The following ZNF148 variants were observed in gnomAD, a reference collection of about 807,000 sequenced individuals.
ZNF148 encodes the protein zinc finger protein 148.
In ZNF148, 7 loss-of-function variants were observed where a neutral mutation model predicts 67.7. That is an observed-to-expected ratio of 0.10 (90% CI 0.06 to 0.19). ZNF148 has a LOEUF of 0.19. Among genes scored for constraint, ZNF148 ranks in the 10% least tolerant of loss-of-function variants. The pLI, the probability that ZNF148 is intolerant of heterozygous loss-of-function variation, is 1.00. For synonymous variants in ZNF148, 333 were observed against 330.7 expected (o/e 1.01, Z -0.08); for missense variants, 583 against 947.1 (o/e 0.62, Z 5.05).
chr3:125,259,795 C>T (rs920189014), intron 7 of ZNF148, among the ~76,000 whole-genome samples: 2 of 152,148 alleles, frequency 1.3e-5, no homozygotes, highest in African/African-American at 4.8e-5. Context: ...AGAACTTTTT[C>T]CTTTGCATTC....
chr3:125,234,335 A>C lies in ZNF148; in HGVS notation c.668-6T>G. 6.4e-7 allele frequency: 1 copy of C among 1,562,184 alleles called. No homozygotes were observed. The highest frequency in any genetic ancestry group is 8.8e-7 in the Non-Finnish European group (1 of 1,139,342). On this transcript the variant is annotated splice_polypyrimidine_tract_variant and splice_region_variant and intron_variant, in intron 7 of 8. Coordinates refer to ENST00000360647, the MANE Select transcript of ZNF148 (RefSeq NM_021964.3). Reference sequence around the variant, plus strand: ...ACAGCGAAATGGTTTTTCACCTAGCACATAATATAGAAAGTTTAAAACAAA... The same window carrying C: ...ACAGCGAAATGGTTTTTCACCTAGCCCATAATATAGAAAGTTTAAAACAAA...
intron 1 of ZNF148, among the ~76,000 whole-genome samples, chr3:125,370,958 CTCA>C (rs1193978389): frequency 6.6e-6 from 1 of 152,166 alleles, no homozygotes; most frequent in African/African-American, 2.4e-5. Context: ...AACCCTGTTC[CTCA>C]TCCTCATCCT....
At chr3:125,361,832 C>CAA (rs11383689) in intron 1 of ZNF148, among the ~76,000 whole-genome samples, 2,106 of 146,928 alleles carry the variant, frequency 0.014, 41 homozygotes, top group African/African-American at 0.043. Context: ...GACCCTGTCT[C>CAA]AAAAAAAAAA....
chr3:125,327,206 C>G lies in ZNF148; in HGVS notation c.-152-3762G>C, dbSNP rs79751214. ...TCAAAACATCAGGAAGATATAATAA[C>G]CGTGTATGCACCTAAAAAGAGTCCC... On this transcript the variant is annotated intron_variant, in intron 2 of 8. Coordinates refer to ENST00000360647, the MANE Select transcript of ZNF148 (RefSeq NM_021964.3). Among the ~76,000 whole-genome samples the G allele has an allele frequency of 1.5e-3, 235 of 152,214 alleles. 1 individual carries two copies. Among genetic ancestry groups the G allele is most frequent in the African/African-American group, 4.8e-3 (201 of 41,544 alleles).
intron 3 of ZNF148, among the ~76,000 whole-genome samples, chr3:125,314,470 G>A (rs1293728446): frequency 6.6e-6 from 1 of 152,102 alleles, no homozygotes; most frequent in Non-Finnish European, 1.5e-5. Context: ...CCTAAGTAAT[G>A]ACCAACTTTG....
rs1938237186 is a variant in ZNF148 at position 125,279,221 on chromosome 3, T to C, written c.486A>G (p.Ser162=). The change falls in exon 6 of 9, where the codon TCA becomes TCG. Residue 162 remains serine, a synonymous_variant. Coordinates refer to ENST00000360647, the MANE Select transcript of ZNF148 (RefSeq NM_021964.3). ...GAGATTTAGGGGTTTTCAAACCAAG[T>C]GATCCATCCTCATTTATTGTAAGGA... The part of the protein sequence containing the change: ...AKILTINEDG[S]LGLKTPKSHV... 1 of 1,594,314 alleles carries C rather than the reference T, an allele frequency of 6.3e-7. No individual in the cohort carries two copies. The highest frequency in any genetic ancestry group is 1.4e-5 in the African/African-American group (1 of 73,496).
intron 4 of ZNF148, among the ~76,000 whole-genome samples, chr3:125,294,194 T>C (rs1023844658): frequency 1.3e-5 from 2 of 151,998 alleles, no homozygotes; most frequent in African/African-American, 2.4e-5. Flanking sequence ...CATCAAAGTA[T>C]AAAGGTCATA....
In ZNF148 at chr3:125,313,455, T is replaced by C. The variant is rs1366993221; in HGVS notation, c.186A>G (p.Glu62=). The part of the protein sequence containing the change: ...MPHQEILAAD[E]VLQESEMRQQ... ...GTCTCATTTCACTTTCTTGTAACAC[T>C]TCATCTGCAGCAAGGATCTCCTGGT... is the stretch of plus-strand genomic sequence containing the variant. The change falls in exon 4 of 9, where the codon GAA becomes GAG. Residue 62 remains glutamate (E), a synonymous_variant. Transcript: ENST00000360647. The C allele has an allele frequency of 1.2e-6, 2 of 1,614,158 alleles. No homozygotes were observed. The highest frequency in any genetic ancestry group is 8.5e-7 in the Non-Finnish European group (1 of 1,180,034).
At chr3:125,342,750 GGTTA>G (rs1359076404) in intron 1 of ZNF148, among the ~76,000 whole-genome samples, 2 of 152,010 alleles carry the variant, frequency 1.3e-5, no homozygotes, top group Admixed American at 6.6e-5. Context: ...ACTTTTTCTT[GGTTA>G]GTTTTATAAA....
intron 7 of ZNF148, among the ~76,000 whole-genome samples, chr3:125,266,387 T>G (rs555207299): frequency 6.6e-6 from 1 of 152,052 alleles, no homozygotes; most frequent in Non-Finnish European, 1.5e-5. Flanking sequence ...TCAGACCACA[T>G]TGGAATAAAA....
At chr3:125,373,368 G>A (rs1019529026) in intron 1 of ZNF148, among the ~76,000 whole-genome samples, 2 of 151,868 alleles carry the variant, frequency 1.3e-5, no homozygotes, top group East Asian at 3.9e-4. Context: ...TGGGATTACA[G>A]GTGTGAGCCA....
rs369959364 is a variant in ZNF148, at chr3:125,349,956, A to C, written c.-233-18718T>G. 9.2e-5 allele frequency among the ~76,000 whole-genome samples: 14 copies of C among 152,352 alleles called. No individual in the cohort carries two copies. In the East Asian group the frequency reaches 2.1e-3, roughly 23 times the overall value. On this transcript the variant is annotated intron_variant, in intron 1 of 8. Transcript: ENST00000360647. The stretch of plus-strand genomic sequence containing the variant: ...AAAAGATACATGAACTTGTATGAAC[A>C]ACCATTATCCAAAAATAACAATAAC...
chr3:125,345,192 G>T (rs1346103712), intron 1 of ZNF148, among the ~76,000 whole-genome samples: 1 of 152,076 alleles, frequency 6.6e-6, no homozygotes, highest in African/African-American at 2.4e-5. Flanking sequence ...AACTGAAATG[G>T]TAACAGTGTA....
intron 5 of ZNF148, among the ~76,000 whole-genome samples, chr3:125,279,872 A>G (rs757340111): frequency 3.3e-5 from 5 of 152,190 alleles, no homozygotes; most frequent in Non-Finnish European, 5.9e-5. Context: ...ATATATATAC[A>G]GAAGTATATA....
intron 4 of ZNF148, among the ~76,000 whole-genome samples, chr3:125,302,676 T>A (rs1300545802): frequency 6.6e-6 from 1 of 152,212 alleles, no homozygotes; most frequent in Non-Finnish European, 1.5e-5. Flanking sequence ...AATGGAATTA[T>A]CAAGCAGACA....
intron 7 of ZNF148, among the ~76,000 whole-genome samples, chr3:125,269,310 G>A (rs759119957): frequency 2.0e-5 from 3 of 151,864 alleles, no homozygotes; most frequent in Non-Finnish European, 4.4e-5. Context: ...GAGCCCGGGA[G>A]GTTGAGGCCA....
intron 5 of ZNF148, among the ~76,000 whole-genome samples, chr3:125,285,073 T>C (rs1264636490): frequency 1.3e-5 from 2 of 152,208 alleles, no homozygotes; most frequent in Non-Finnish European, 2.9e-5. Context: ...TTACTAAAAC[T>C]CTATCACATT....
At chr3:125,345,839 G>A (rs1192239078) in intron 1 of ZNF148, among the ~76,000 whole-genome samples, 2 of 151,776 alleles carry the variant, frequency 1.3e-5, no homozygotes, top group African/African-American at 4.8e-5. Flanking sequence ...CCCAACTGCT[G>A]CCAAAAAACA....
At chr3:125,349,842 A>G (rs2107755051) in intron 1 of ZNF148, among the ~76,000 whole-genome samples, 1 of 152,356 alleles carries the variant, frequency 6.6e-6, no homozygotes, top group South Asian at 2.1e-4. Context: ...CCCTGTCTCA[A>G]AAAACAAACA....
Sources: allele counts gnomAD v4.1 joint callset (sites outside exome capture counted in the v4.1 genomes callset), GRCh38; gene constraint gnomAD v4.1.1; transcripts MANE v1.5; gene names NCBI Gene and HGNC (gene_info 2026-07-23, HGNC 2026-07-21).